Variants in NOD1 observed in about 807,000 individuals in gnomAD.
NOD1 encodes nucleotide-binding oligomerization domain-containing protein 1.
Under a neutral mutation model 81.2 loss-of-function variants are expected in NOD1, and 70 were observed. The observed-to-expected ratio is 0.86, with a 90% confidence interval of 0.71 to 1.05. The LOEUF is 1.05. Among genes scored for constraint, NOD1 ranks in the 50% least tolerant of loss-of-function variants. NOD1 has a pLI of 0.00. For synonymous variants in NOD1, 508 were observed against 526.9 expected (o/e 0.96, Z 0.49); for missense variants, 1,233 against 1,228.0 (o/e 1.00, Z -0.06).
At position 30,424,528 on chromosome 7, in the gene NOD1, A is replaced by G. The variant is rs1329558769; in HGVS notation, c.*1110T>C. ...TTCAAAAACTCCAGACTCAACCCGT[A>G]AGAGTGTTTTCAGTATTTTATTAAC... On this transcript the variant is annotated 3_prime_UTR_variant, in exon 14 of 14. Transcript: ENST00000222823. The G allele has an allele frequency of 6.6e-6, 1 of 152,164 alleles. No individual in the cohort carries two copies. Among genetic ancestry groups the G allele is most frequent in the African/African-American group, 2.4e-5 (1 of 41,430 alleles). The allele number at this position is 152,164 out of a possible 1,614,324, so 9.4% of individuals were successfully genotyped here. A position where few individuals can be genotyped will look rare whatever the true frequency, so the allele number is the denominator to read the frequency against.
rs550457646 is a variant in NOD1, at chr7:30,457,010, G to C, written c.-89C>G. On this transcript the variant is annotated 5_prime_UTR_variant, in exon 4 of 14. Coordinates refer to ENST00000222823, the MANE Select transcript of NOD1 (RefSeq NM_006092.4). ...GAAGGGCAATCAGGATTCAGGCCGC[G>C]CCCTCCAGGGCCCCTGCTACTCTGC... 1 of 1,008,716 alleles carries C rather than the reference G, an allele frequency of 9.9e-7. No homozygotes were observed. Among genetic ancestry groups the C allele is most frequent in the Non-Finnish European group, 1.6e-6 (1 of 643,752 alleles). The allele number at this position is 1,008,716 out of a possible 1,614,324, so 62.5% of individuals were successfully genotyped here. A position where few individuals can be genotyped will look rare whatever the true frequency, so the allele number is the denominator to read the frequency against.
Position 30,425,378 on chromosome 7 carries a change from A to G in NOD1, c.*260T>C. The G allele has an allele frequency of 2.1e-6, 1 of 479,072 alleles. No homozygotes were observed. The highest frequency in any genetic ancestry group is 2.9e-5 in the South Asian group (1 of 34,574). The allele number at this position is 479,072 out of a possible 1,614,324, so 29.7% of individuals were successfully genotyped here. A position where few individuals can be genotyped will look rare whatever the true frequency, so the allele number is the denominator to read the frequency against. ...GATAAAAATAATTATAATAGGCAAT[A>G]AAGTCTCTTCACAGTGTATTTACTG... On this transcript the variant is annotated 3_prime_UTR_variant, in exon 14 of 14. Coordinates refer to ENST00000222823, the MANE Select transcript of NOD1 (RefSeq NM_006092.4).
intron 3 of NOD1, among the ~76,000 whole-genome samples, chr7:30,458,938 C>T (rs561648225): frequency 3.9e-5 from 6 of 151,920 alleles, no homozygotes; most frequent in Non-Finnish European, 5.9e-5. Context: ...GGTTTCACCA[C>T]GTTGGCCAAG....
At position 30,446,142 on chromosome 7, in the gene NOD1, C is replaced by T; in HGVS notation, c.2452G>A (p.Gly818Arg). 1 of 1,613,166 alleles carries T rather than the reference C, an allele frequency of 6.2e-7. No individual in the cohort carries two copies. Among genetic ancestry groups the T allele is most frequent in the South Asian group, 1.1e-5 (1 of 91,040 alleles). The change falls in exon 9 of 14, where the codon GGG becomes AGG. Residue 818 changes from glycine (G) to arginine (R), a missense_variant and splice_region_variant. Gly to Arg is a moderately radical substitution (Grantham distance 125, BLOSUM62 -2). Coordinates refer to ENST00000222823, the MANE Select transcript of NOD1 (RefSeq NM_006092.4). ...VKNSKSISEV[G>R]MWGNQVGDEG... ...ATACATCCATCCCCTTCTACTCACCCAACCTCAGAGATTGATTTGCTGTTC... is the reference window on the plus strand; with the variant it reads ...ATACATCCATCCCCTTCTACTCACCTAACCTCAGAGATTGATTTGCTGTTC...
At chr7:30,453,142 A>G in intron 5 of NOD1, 102 bp from the exon 6 acceptor site, 1 of 1,324,700 alleles carries the variant, frequency 7.5e-7, no homozygotes, top group East Asian at 2.4e-5. Flanking sequence ...TGCATAAACA[A>G]AATTCACAAC....
chr7:30,455,088 G>A, intron 5 of NOD1, 49 bp downstream of exon 5: 3 of 1,588,530 alleles, frequency 1.9e-6, no homozygotes, highest in Non-Finnish European at 2.6e-6. Flanking sequence ...AAACCCCCCA[G>A]GGCCCTGCTT....
At chr7:30,429,263 AGGGTTGCTG>A in intron 13 of NOD1, 102 bp downstream of exon 13, 1 of 880,396 alleles carries the variant, frequency 1.1e-6, no homozygotes, top group Non-Finnish European at 1.9e-6. Context: ...ATTACTGTGC[AGGGTTGCTG>A]GAGGAATAAA....
At chr7:30,429,582 G>A (rs901207031) in intron 12 of NOD1, 125 bp from the exon 13 acceptor site, 1 of 755,416 alleles carries the variant, frequency 1.3e-6, no homozygotes, top group East Asian at 2.5e-5. Context: ...CTGAGTCCAT[G>A]TGACTTTGTA....
At chr7:30,457,587 A>G (rs1562699237) in intron 3 of NOD1, among the ~76,000 whole-genome samples, 1 of 152,198 alleles carries the variant, frequency 6.6e-6, no homozygotes, top group African/African-American at 2.4e-5. Context: ...CATCTTTATT[A>G]TTACTATAAA....
rs1223274828 is a variant in NOD1 at position 30,424,733 on chromosome 7, G to C, written c.*905C>G. Reference sequence around the variant, plus strand: ...TTCAGCTGCTTGGGAGGCAGGAAGAGACTTCCCCTCTTCACGAGGTAAGGG... The same window carrying C: ...TTCAGCTGCTTGGGAGGCAGGAAGACACTTCCCCTCTTCACGAGGTAAGGG... On this transcript the variant is annotated 3_prime_UTR_variant, in exon 14 of 14. Transcript: ENST00000222823. 6.6e-6 allele frequency: 1 copy of C among 152,198 alleles called. No individual in the cohort carries two copies. The highest frequency in any genetic ancestry group is 1.5e-5 in the Non-Finnish European group (1 of 68,074). The allele number at this position is 152,198 out of a possible 1,614,324, so 9.4% of individuals were successfully genotyped here.
Position 30,456,974 on chromosome 7 carries a change from T to C in NOD1, c.-53A>G. On this transcript the variant is annotated 5_prime_UTR_variant, in exon 4 of 14. Transcript: ENST00000222823. ...CCAAATTCATCTTCAGCTGCGTGTGTCCTCTCAGCAGAAGGGCAATCAGGA... is the reference window on the plus strand; with the variant it reads ...CCAAATTCATCTTCAGCTGCGTGTGCCCTCTCAGCAGAAGGGCAATCAGGA... 1 of 1,484,814 alleles carries C rather than the reference T, an allele frequency of 6.7e-7. No individual in the cohort carries two copies. Among genetic ancestry groups the C allele is most frequent in the South Asian group, 1.1e-5 (1 of 88,332 alleles). The allele number at this position is 1,484,814 out of a possible 1,614,324, so 92.0% of individuals were successfully genotyped here. A position where few individuals can be genotyped will look rare whatever the true frequency, so the allele number is the denominator to read the frequency against.
rs751690035 is a variant in NOD1, at chr7:30,456,770, G to A, written c.152C>T (p.Ser51Leu). ...ACACACAATCTCCGCATCTTCGGCCGAGAAGTAGTCATTCTTCAGCAAGTT... is the reference window on the plus strand; with the variant it reads ...ACACACAATCTCCGCATCTTCGGCCAAGAAGTAGTCATTCTTCAGCAAGTT... ...VDNLLKNDYFSAEDAEIVCAC... is the reference protein window; with the variant it reads ...VDNLLKNDYFLAEDAEIVCAC... The change falls in exon 4 of 14, where the codon TCG (serine) becomes TTG (leucine). Residue 51 changes from serine to leucine, a missense_variant. Coordinates refer to ENST00000222823, the MANE Select transcript of NOD1 (RefSeq NM_006092.4). 66 of 1,614,030 alleles carry A rather than the reference G, an allele frequency of 4.1e-5. No individual in the cohort carries two copies. Among genetic ancestry groups the A allele is most frequent in the African/African-American group, 6.7e-5 (5 of 74,898 alleles).
rs371450601 is a variant in NOD1 at position 30,446,121 on chromosome 7, A to G, written c.2453+20T>C. 8 of 1,592,178 alleles carry G rather than the reference A, an allele frequency of 5.0e-6. No individual in the cohort carries two copies. Among genetic ancestry groups the G allele is most frequent in the Non-Finnish European group, 3.4e-6 (4 of 1,160,286 alleles). On this transcript the variant is annotated intron_variant, in intron 9 of 13. Coordinates refer to ENST00000222823, the MANE Select transcript of NOD1 (RefSeq NM_006092.4). ...ACACACAGCAGGTTGTACCACATAC[A>G]TCCATCCCCTTCTACTCACCCAACC...
In NOD1 at chr7:30,455,151, A is replaced by G; in HGVS notation, c.362T>C (p.Val121Ala). ...CTGACTCCTACCTGGGTCAGTGTTG[A>G]CCACGACTTTGCTCTGAGTGAGCAG... ...PSLLTQSKVV[V>A]NTDPVSRYTQ... is the part of the protein sequence containing the mutation. Residue 121 changes from valine to alanine, a missense_variant, in exon 5 of 14, where the codon GTC (valine) becomes GCC (alanine). Transcript: ENST00000222823. 1 of 1,613,970 alleles carries G rather than the reference A, an allele frequency of 6.2e-7. No homozygotes were observed. The highest frequency in any genetic ancestry group is 1.1e-5 in the South Asian group (1 of 91,080).
At chr7:30,437,925 A>C (rs1365176361) in intron 9 of NOD1, among the ~76,000 whole-genome samples, 3 of 152,228 alleles carry the variant, frequency 2.0e-5, no homozygotes, top group Non-Finnish European at 4.4e-5. Flanking sequence ...TTAGAGACCG[A>C]GCCTCACCAC....
intron 3 of NOD1, 57 bp from the exon 4 acceptor site, chr7:30,457,099 A>C (rs1786463394): frequency 1.7e-6 from 1 of 605,226 alleles, no homozygotes; most frequent in Non-Finnish European, 3.0e-6. Context: ...AGCTCACCCC[A>C]CCTCCCACTG....
Position 30,456,905 on chromosome 7 carries a change from T to C in NOD1, c.17A>G (p.His6Arg). 6.2e-7 allele frequency: 1 copy of C among 1,614,212 alleles called. No individual in the cohort carries two copies. Among genetic ancestry groups the C allele is most frequent in the South Asian group, 1.1e-5 (1 of 91,088 alleles). ...TGATGGGATTATTTCCATCTCACTG[T>C]GGCCCTGCTCTTCCATAGTTAAAGT... is the stretch of plus-strand genomic sequence containing the variant. MEEQGHSEMEIIPSES... is the reference protein window; with the variant it reads MEEQGRSEMEIIPSES... Residue 6 changes from histidine to arginine, a missense_variant, in exon 4 of 14, where the codon CAC becomes CGC. Coordinates refer to ENST00000222823, the MANE Select transcript of NOD1 (RefSeq NM_006092.4).
chr7:30,429,798 G>A (rs1211191193), intron 12 of NOD1, among the ~76,000 whole-genome samples: 1 of 152,180 alleles, frequency 6.6e-6, no homozygotes, highest in Non-Finnish European at 1.5e-5. Flanking sequence ...TTGGGAGGCC[G>A]AGGTGGGTGG....
intron 10 of NOD1, 119 bp from the exon 11 acceptor site, chr7:30,436,200 G>A (rs1309997366): frequency 2.3e-5 from 17 of 751,624 alleles, no homozygotes; most frequent in African/African-American, 2.1e-4. Flanking sequence ...AGGCTCACTC[G>A]GGGCAGGATG....
Sources: allele counts gnomAD v4.1 joint callset (sites outside exome capture counted in the v4.1 genomes callset), GRCh38; gene constraint gnomAD v4.1.1; transcripts MANE v1.5; gene names NCBI Gene and HGNC (gene_info 2026-07-23, HGNC 2026-07-21).